RORA: variants seen among roughly 807,000 people sequenced by gnomAD.
RORA encodes the protein RAR related orphan receptor A.
RORA carries 7 observed loss-of-function variants against 69.5 expected under a neutral mutation model. The observed-to-expected ratio is 0.10, with a 90% CI of 0.06 to 0.19. RORA has a LOEUF of 0.19. Ranked by LOEUF, RORA falls within the 10% of genes least tolerant of loss-of-function variation. The pLI, the probability that RORA is intolerant of heterozygous loss-of-function variation, is 1.00. For synonymous variants in RORA, 261 were observed against 240.8 expected (o/e 1.08, Z -0.78); for missense variants, 457 against 663.0 (o/e 0.69, Z 3.41).
chr15:60,546,521 G>A (rs1355725953), intron 2 of RORA: 1 of 152,098 alleles, frequency 6.6e-6, no homozygotes, highest in African/African-American at 2.4e-5. Context: ...ATAGGTAGCA[G>A]TTCTGTATAG....
intron 1 of RORA, among the ~76,000 whole-genome samples, chr15:61,139,122 C>T (rs1001876182): frequency 6.6e-6 from 1 of 150,656 alleles, no homozygotes; most frequent in Non-Finnish European, 1.5e-5. Flanking sequence ...CCAGCCTGGG[C>T]GACAGAGCGA....
chr15:61,207,480 T>C (rs1048383427), intron 1 of RORA, among the ~76,000 whole-genome samples: 1 of 152,244 alleles, frequency 6.6e-6, no homozygotes, highest in African/African-American at 2.4e-5. Context: ...GTGCACATCG[T>C]GGTTTCACTC....
At chr15:61,177,433 C>T (rs1211951913) in intron 1 of RORA, among the ~76,000 whole-genome samples, 1 of 152,126 alleles carries the variant, frequency 6.6e-6, no homozygotes, top group Non-Finnish European at 1.5e-5. Flanking sequence ...CTTTATAAAT[C>T]ACTGTATTAT....
chr15:60,758,628 C>T (rs1223345372), intron 1 of RORA, among the ~76,000 whole-genome samples: 1 of 152,184 alleles, frequency 6.6e-6, no homozygotes, highest in African/African-American at 2.4e-5. Context: ...ACTCTCTCAA[C>T]TAGTTTTTGC....
chr15:60,791,123 G>A (rs1327142826), intron 1 of RORA, among the ~76,000 whole-genome samples: 3 of 152,106 alleles, frequency 2.0e-5, no homozygotes, highest in Non-Finnish European at 4.4e-5. Flanking sequence ...AAAACTGATT[G>A]TAGAACGAGC....
chr15:60,787,035 A>G (rs1415760837), intron 1 of RORA, among the ~76,000 whole-genome samples: 2 of 152,254 alleles, frequency 1.3e-5, no homozygotes, highest in Admixed American at 1.3e-4. Context: ...CTTTCAGTCT[A>G]TAGCTCTGAG....
intron 1 of RORA, among the ~76,000 whole-genome samples, chr15:60,707,517 C>G (rs1228679026): frequency 6.6e-6 from 1 of 151,978 alleles, no homozygotes; most frequent in Non-Finnish European, 1.5e-5. Flanking sequence ...GTGCCCGCCA[C>G]CACGCCTGGC....
chr15:61,216,349 T>G (rs1314518209), intron 1 of RORA, among the ~76,000 whole-genome samples: 2 of 152,224 alleles, frequency 1.3e-5, no homozygotes, highest in Admixed American at 1.3e-4. Flanking sequence ...TCAAACAGGT[T>G]GCGAGTCTTT....
chr15:60,977,268 T>C (rs560788894), intron 1 of RORA, among the ~76,000 whole-genome samples: 9 of 152,264 alleles, frequency 5.9e-5, no homozygotes, highest in South Asian at 2.1e-4. Context: ...TTCAGTGTTA[T>C]AAGATTAGAC....
At chr15:60,760,397 T>G (rs1480185311) in intron 1 of RORA, among the ~76,000 whole-genome samples, 1 of 152,198 alleles carries the variant, frequency 6.6e-6, no homozygotes, top group East Asian at 1.9e-4. Context: ...CTTTTAGCTA[T>G]GAATTTAGCT....
At chr15:60,864,348 T>C (rs1381959273) in intron 1 of RORA, among the ~76,000 whole-genome samples, 3 of 152,220 alleles carry the variant, frequency 2.0e-5, no homozygotes, top group African/African-American at 7.2e-5. Context: ...TTAAAACCCA[T>C]TTATTGCCCA....
intron 2 of RORA, chr15:60,547,739 T>C (rs1008633734): frequency 6.6e-5 from 10 of 152,024 alleles, no homozygotes; most frequent in Admixed American, 2.0e-4. Context: ...AGGAGAACTA[T>C]GGCCACTATG....
chr15:60,713,324 C>A (rs1323972639), intron 1 of RORA, among the ~76,000 whole-genome samples: 1 of 152,026 alleles, frequency 6.6e-6, no homozygotes, highest in African/African-American at 2.4e-5. Flanking sequence ...CTCCTCCTAC[C>A]CCCACTTTAC....
chr15:60,575,222 C>T (rs769622185), intron 2 of RORA, among the ~76,000 whole-genome samples: 7 of 152,188 alleles, frequency 4.6e-5, no homozygotes, highest in Non-Finnish European at 7.3e-5. Flanking sequence ...CCTATAGCAA[C>T]GTCACCACAT....
intron 1 of RORA, among the ~76,000 whole-genome samples, chr15:61,058,447 G>T (rs1007044745): frequency 6.6e-6 from 1 of 152,136 alleles, no homozygotes; most frequent in African/African-American, 2.4e-5. Flanking sequence ...TCAGCTCAGG[G>T]GTGAAGAAAT....
chr15:60,663,785 G>T (rs773478234), intron 2 of RORA, among the ~76,000 whole-genome samples: 12 of 152,180 alleles, frequency 7.9e-5, no homozygotes, highest in Non-Finnish European at 1.2e-4. Context: ...ATGAGGCTTT[G>T]CTATTGAAAA....
In RORA at chr15:61,108,952, G is replaced by A. The variant is rs1048291680; in HGVS notation, c.166+120101C>T. 9.9e-5 allele frequency among the ~76,000 whole-genome samples: 15 copies of A among 152,174 alleles called. No individual in the cohort carries two copies. The East Asian group carries it at 2.1e-3, about 22-fold the overall frequency. ...CGTGGCTCACACCTGTAATCCCAGCGCTTTGGGAGGCCAAGGCAGGCAGAT... is the reference window on the plus strand; with the variant it reads ...CGTGGCTCACACCTGTAATCCCAGCACTTTGGGAGGCCAAGGCAGGCAGAT... On this transcript the variant is annotated intron_variant, in intron 1 of 10. Coordinates refer to ENST00000335670, the MANE Select transcript of RORA (RefSeq NM_134261.3).
rs1253911440 is a variant in RORA, at chr15:61,229,180, G to A, written c.39C>T (p.Ser13=). The A allele has an allele frequency of 1.9e-6, 3 of 1,555,218 alleles. No individual in the cohort carries two copies. Among genetic ancestry groups the A allele is most frequent in the East Asian group, 2.4e-5 (1 of 41,774 alleles). Residue 13 remains serine, a synonymous_variant, in exon 1 of 11, where the codon AGC becomes AGT. Transcript: ENST00000335670. ...SAPAAPDPAA[S]EPGSSGADAA... ...CGTCCGCGCCGCTGCTGCCTGGCTC[G>A]CTGGCGGCGGGGTCGGGGGCTGCCG...
intron 1 of RORA, among the ~76,000 whole-genome samples, chr15:60,764,232 C>T (rs1046359740): frequency 1.1e-3 from 173 of 151,966 alleles, no homozygotes; most frequent in African/African-American, 4.1e-3. Flanking sequence ...AAAAGCCTAG[C>T]AGGCAAATGA....
Sources: allele counts gnomAD v4.1 joint callset (sites outside exome capture counted in the v4.1 genomes callset), GRCh38; gene constraint gnomAD v4.1.1; transcripts MANE v1.5; gene names NCBI Gene and HGNC (gene_info 2026-07-23, HGNC 2026-07-21).